Variants in NSG2 observed in about 807,000 individuals in gnomAD.
NSG2 encodes the protein neuronal vesicle trafficking associated 2, also known as neuronal vesicle trafficking-associated protein 2.
In NSG2, 4 loss-of-function variants were observed where a neutral mutation model predicts 16.9. The observed-to-expected ratio is 0.24, with a 90% CI of 0.12 to 0.54. The LOEUF is 0.54. Among genes scored for constraint, NSG2 ranks in the 20% least tolerant of loss-of-function variants. The pLI, the probability that NSG2 is intolerant of heterozygous loss-of-function variation, is 0.95. For synonymous variants in NSG2, 98 were observed against 88.7 expected (o/e 1.11, Z -0.59); for missense variants, 179 against 221.1 (o/e 0.81, Z 1.21).
At chr5:174,073,361 CTTTT>C (rs1399642242) in intron 3 of NSG2, among the ~76,000 whole-genome samples, 2 of 152,170 alleles carry the variant, frequency 1.3e-5, no homozygotes, top group African/African-American at 4.8e-5. Flanking sequence ...CTCTCTCTTT[CTTTT>C]AAATTTTGAG....
chr5:174,046,702 T>C, intron 1 of NSG2, 32 bp from the exon 2 acceptor site: 1 of 1,609,992 alleles, frequency 6.2e-7, no homozygotes, highest in Non-Finnish European at 8.5e-7. Context: ...CCTCACCTCC[T>C]GCTGTAACCA....
At chr5:174,087,292 C>G (rs965449096) in intron 3 of NSG2, among the ~76,000 whole-genome samples, 17 of 152,076 alleles carry the variant, frequency 1.1e-4, no homozygotes, top group African/African-American at 4.1e-4. Flanking sequence ...TACAGCCACT[C>G]CAGAGGCTGT....
In NSG2 at chr5:174,107,386, T is replaced by C. The variant is rs1423944443; in HGVS notation, c.397T>C (p.Tyr133His). ...GGACCCCAATTCCAGAAGCCGCTTC[T>C]ACACAGTCATCAGCCACTACAGCGT... ...SQDPNSRSRF[Y>H]TVISHYSVAK... The change falls in exon 5 of 5, where the codon TAC (tyrosine) becomes CAC (histidine). Residue 133 changes from tyrosine to histidine, a missense_variant. Coordinates refer to ENST00000303177, the MANE Select transcript of NSG2 (RefSeq NM_015980.5). The surrounding 1 kb of genome is among the most constrained non-coding windows in gnomAD (Gnocchi z 4.5). 1 of 1,608,458 alleles carries C rather than the reference T, an allele frequency of 6.2e-7. No homozygotes were observed. The highest frequency in any genetic ancestry group is 8.5e-7 in the Non-Finnish European group (1 of 1,175,504).
intron 2 of NSG2, among the ~76,000 whole-genome samples, chr5:174,051,861 A>C (rs138174070): frequency 2.6e-4 from 39 of 152,360 alleles, no homozygotes; most frequent in African/African-American, 8.7e-4. Flanking sequence ...GTCAGGCAGC[A>C]GGCCTAACTG....
At chr5:174,092,886 A>C (rs935314685) in intron 3 of NSG2, among the ~76,000 whole-genome samples, 1 of 152,196 alleles carries the variant, frequency 6.6e-6, no homozygotes, top group Non-Finnish European at 1.5e-5. Flanking sequence ...ATCAAGATTT[A>C]AGCTGGGATC....
Position 174,107,107 on chromosome 5 carries a change from G to A in NSG2, c.325-207G>A, listed in dbSNP as rs562865429. 9.2e-5 allele frequency among the ~76,000 whole-genome samples: 14 copies of A among 152,246 alleles called. No homozygotes were observed. The highest frequency in any genetic ancestry group is 2.4e-4 in the African/African-American group (10 of 41,552). On this transcript the variant is annotated intron_variant, in intron 4 of 4. Transcript: ENST00000303177. This position sits in a 1 kb window ranked among gnomAD's most constrained non-coding sequence, Gnocchi z 4.5. ...TCAGTGTCAATATCAGGTTCAGGTC[G>A]TCTGGCTTCTTCTAAGTGGAGCTTT...
intron 3 of NSG2, among the ~76,000 whole-genome samples, chr5:174,093,005 T>C (rs1760743745): frequency 6.6e-6 from 1 of 152,216 alleles, no homozygotes; most frequent in Admixed American, 6.5e-5. Context: ...CTTATAATAA[T>C]GGTGCAATAT....
chr5:174,096,818 C>T (rs562319017), intron 3 of NSG2, among the ~76,000 whole-genome samples: 2 of 152,108 alleles, frequency 1.3e-5, no homozygotes, highest in African/African-American at 4.8e-5. Flanking sequence ...AGGCAGGGGT[C>T]GCTGCAGAGT....
intron 3 of NSG2, among the ~76,000 whole-genome samples, chr5:174,088,597 C>T (rs1167931887): frequency 6.6e-6 from 1 of 152,184 alleles, no homozygotes; most frequent in Non-Finnish European, 1.5e-5. Flanking sequence ...AACATGGGAA[C>T]TATGGGACAG....
At chr5:174,099,001 G>T (rs1330281890) in intron 3 of NSG2, among the ~76,000 whole-genome samples, 1 of 152,216 alleles carries the variant, frequency 6.6e-6, no homozygotes, top group Non-Finnish European at 1.5e-5. Context: ...TTGATGTGGA[G>T]TCCGGCTTTC....
In NSG2 at chr5:174,046,886, T is replaced by TA. The variant is rs774116326; in HGVS notation, c.129+5dup. The TA allele has an allele frequency of 3.7e-5, 60 of 1,613,806 alleles. No individual in the cohort carries two copies. The Admixed American group carries it at 8.5e-4, about 23-fold the overall frequency. On this transcript the variant is annotated splice_region_variant and intron_variant, in intron 2 of 4. Coordinates refer to ENST00000303177, the MANE Select transcript of NSG2 (RefSeq NM_015980.5). ...TTACAGCTGCCTGCTCCAGAAAAGG[T>TA]AAAGCATGTCCTCTTGCTCTCATCA...
chr5:174,051,530 A>G (rs1759889655), intron 2 of NSG2, among the ~76,000 whole-genome samples: 1 of 152,270 alleles, frequency 6.6e-6, no homozygotes, highest in Admixed American at 6.5e-5. Context: ...TCGTCCATCT[A>G]TCCATCCATC....
chr5:174,062,963 A>C lies in NSG2; in HGVS notation c.130-1269A>C, dbSNP rs533405914. Among the ~76,000 whole-genome samples the C allele has an allele frequency of 1.2e-4, 19 of 152,288 alleles. No homozygotes were observed. The East Asian group carries it at 3.5e-3, about 28-fold the overall frequency. ...AAGTAGGAGTGATCATGGTTAGAAG[A>C]TTACTTCATTTTAGCTGTGTGACCC... is the stretch of plus-strand genomic sequence containing the variant. On this transcript the variant is annotated intron_variant, in intron 2 of 4. Coordinates refer to ENST00000303177, the MANE Select transcript of NSG2 (RefSeq NM_015980.5).
intron 3 of NSG2, among the ~76,000 whole-genome samples, chr5:174,075,267 A>G (rs1760318806): frequency 6.6e-6 from 1 of 152,138 alleles, no homozygotes; most frequent in African/African-American, 2.4e-5. Flanking sequence ...GGGGTCATAC[A>G]GCCAATAAGG....
intron 3 of NSG2, chr5:174,091,127 G>A (rs1329008969): frequency 6.6e-6 from 1 of 151,186 alleles, no homozygotes; most frequent in Admixed American, 6.6e-5. Context: ...AGCTATTTGG[G>A]CTGCCGGGCT....
At chr5:174,049,736 G>T (rs186726421) in intron 2 of NSG2, among the ~76,000 whole-genome samples, 1 of 152,174 alleles carries the variant, frequency 6.6e-6, no homozygotes, top group Non-Finnish European at 1.5e-5. Context: ...CCCACAGTGC[G>T]CTCCATTCCC....
intron 3 of NSG2, among the ~76,000 whole-genome samples, chr5:174,092,360 A>T (rs1356987983): frequency 1.3e-5 from 2 of 152,230 alleles, no homozygotes; most frequent in Non-Finnish European, 2.9e-5. Flanking sequence ...AGAGGAAATG[A>T]TCCCTGTCAA....
intron 3 of NSG2, chr5:174,066,376 G>A (rs776532042): frequency 1.9e-5 from 8 of 419,766 alleles, no homozygotes; most frequent in African/African-American, 4.1e-5. Context: ...CCTGGCAAGA[G>A]ATCACAAGAA....
intron 3 of NSG2, chr5:174,066,345 G>A (rs746641548): frequency 2.8e-5 from 12 of 434,554 alleles, no homozygotes; most frequent in Admixed American, 4.9e-5. Context: ...ACCAGGCCAC[G>A]GGGTCAAATT....
Sources: gnomAD v4.1 joint callset for allele counts (sites outside exome capture counted in the v4.1 genomes callset) on GRCh38, gnomAD v4.1.1 for gene constraint, Gnocchi (gnomAD v3.1) non-coding constraint, MANE v1.5 for transcripts, NCBI Gene and HGNC (gene_info 2026-07-23, HGNC 2026-07-21) for gene names.